Variants in RTL9 observed in about 807,000 individuals in gnomAD.
The protein encoded by RTL9 is retrotransposon Gag-like protein 9.
A neutral mutation model predicts 44.7 loss-of-function variants in RTL9; 19 were observed. The observed-to-expected ratio is 0.42, with a 90% CI of 0.30 to 0.62. RTL9 has a LOEUF of 0.62. Among genes scored for constraint, RTL9 ranks in the 20% least tolerant of loss-of-function variants. The probability of loss-of-function intolerance (pLI) is 0.16; values close to 1 mark genes in which losing one functional copy is unlikely to be tolerated. For synonymous variants in RTL9, 407 were observed against 398.9 expected, an observed-to-expected ratio of 1.02 and a Z score of -0.24; for missense variants, 1,105 against 1,080.6, an observed-to-expected ratio of 1.02 and a Z score of -0.32.
intron 1 of RTL9, among the ~76,000 whole-genome samples, chrX:110,436,243 A>G (rs1273814718): frequency 9.0e-6 from 1 of 111,479 alleles, no homozygotes. Flanking sequence ...GTGCTCCTGG[A>G]GAGTCAGGAT....
At chrX:110,448,607 T>C (rs908482668), upstream of RTL9, among the ~76,000 whole-genome samples, 1 of 91,799 alleles carries the variant, frequency 1.1e-5, no homozygotes. Flanking sequence ...TGTCAGAGCC[T>C]ATATAGAGGC....
At chrX:110,403,571 A>G (rs2096086553) in intron 1 of RTL9, among the ~76,000 whole-genome samples, 1 of 111,415 alleles carries the variant, frequency 9.0e-6, no homozygotes, top group African/African-American at 3.3e-5. Flanking sequence ...CTCTGCCCAC[A>G]TTCTGAAGCT....
chrX:110,450,890 A>G, exon 1 of RTL9: 1 of 1,211,443 alleles, frequency 8.3e-7, no homozygotes, highest in Non-Finnish European at 1.1e-6. Context: ...CCCCACCCCT[A>G]ATGCCAGCCT....
chrX:110,432,966 A>G (rs748635496), intron 1 of RTL9, among the ~76,000 whole-genome samples: 13 of 112,730 alleles, frequency 1.2e-4, no homozygotes, highest in Non-Finnish European at 2.4e-4. Flanking sequence ...AGGCTAACCC[A>G]GACAGTCAGT....
intron 1 of RTL9, among the ~76,000 whole-genome samples, chrX:110,419,815 C>T (rs976890748): frequency 8.9e-6 from 1 of 112,148 alleles, no homozygotes; most frequent in African/African-American, 3.2e-5. Flanking sequence ...CAGACACAGT[C>T]TTATGAAATT....
At chrX:110,453,642 A>G (rs2068961313) in exon 1 of RTL9, 5 of 1,211,795 alleles carry the variant, frequency 4.1e-6, no homozygotes, top group South Asian at 1.8e-5. Flanking sequence ...AACAACATAT[A>G]CCGTGTCTGG....
chrX:110,404,716 A>T (rs1198899298), intron 1 of RTL9, among the ~76,000 whole-genome samples: 1 of 111,379 alleles, frequency 9.0e-6, no homozygotes, highest in Non-Finnish European at 1.9e-5. Flanking sequence ...GCCATTTCTG[A>T]CCACTTCCCA....
At position 110,383,177 on chromosome X, in the gene RTL9, G is replaced by A. The variant is rs995221639; in HGVS notation, c.-168+24261G>A. The stretch of plus-strand genomic sequence containing the variant: ...TAAGATTGCACCCAACCTGATGGTA[G>A]ATTGGAGAAGGCTATCTGTCCCTTT... On this transcript the variant is annotated intron_variant, in intron 1 of 2. Transcript: ENST00000520821. Among the ~76,000 whole-genome samples, 36 of 111,697 alleles carry A rather than the reference G, an allele frequency of 3.2e-4. No homozygotes were observed. The Admixed American group carries it at 3.3e-3, about 10-fold the overall frequency.
chrX:110,402,016 C>T (rs778590535), intron 1 of RTL9, among the ~76,000 whole-genome samples: 1 of 112,456 alleles, frequency 8.9e-6, no homozygotes, highest in East Asian at 2.8e-4. Flanking sequence ...GTCTCCCTTT[C>T]CTTTCCCAAC....
At chrX:110,448,993 T>C (rs2068924066), upstream of RTL9, among the ~76,000 whole-genome samples, 1 of 110,747 alleles carries the variant, frequency 9.0e-6, no homozygotes, top group African/African-American at 3.3e-5. Flanking sequence ...ATTATTACAA[T>C]TATTACAATA....
rs1234174255 is a variant in RTL9 at position 110,385,392 on chromosome X, ACAGTT to A, written c.-168+26481_-168+26485del. On this transcript the variant is annotated intron_variant, in intron 1 of 2. Transcript: ENST00000520821. ...CAATAAATTCACCTATTTAAAGTGT[ACAGTT>A]CAGTCATTTTTAGTATTTCACAGAG... 4.5e-5 allele frequency among the ~76,000 whole-genome samples: 5 copies of A among 111,598 alleles called. No homozygotes were observed. In the Admixed American group the frequency reaches 4.7e-4, roughly 11 times the overall value.
intron 1 of RTL9, among the ~76,000 whole-genome samples, chrX:110,366,272 G>A (rs1238668517): frequency 1.8e-5 from 2 of 111,999 alleles, no homozygotes; most frequent in African/African-American, 6.5e-5. Context: ...AACAAGCAAT[G>A]TTACAAACCA....
intron 1 of RTL9, among the ~76,000 whole-genome samples, chrX:110,386,170 T>C (rs371661547): frequency 1.7e-4 from 19 of 110,873 alleles, no homozygotes; most frequent in African/African-American, 6.2e-4. Context: ...CTGGATCATA[T>C]GGTAACACTA....
At chrX:110,390,063 C>T (rs1376617025) in intron 1 of RTL9, among the ~76,000 whole-genome samples, 1 of 111,236 alleles carries the variant, frequency 9.0e-6, no homozygotes, top group Admixed American at 9.5e-5. Flanking sequence ...CAAACTTGAC[C>T]CAATGGAGAA....
intron 1 of RTL9, among the ~76,000 whole-genome samples, chrX:110,403,136 T>C (rs1432664948): frequency 9.0e-6 from 1 of 111,115 alleles, no homozygotes; most frequent in Admixed American, 9.5e-5. Flanking sequence ...GGCCAGGCTT[T>C]CCCTGCCCCT....
exon 1 of RTL9, chrX:110,451,368 G>T (rs767293182): frequency 8.3e-7 from 1 of 1,211,910 alleles, no homozygotes; most frequent in Admixed American, 2.2e-5. Flanking sequence ...GACTGCTCTA[G>T]CCTCTGGAGA....
At position 110,369,050 on chromosome X, in the gene RTL9, T is replaced by C. The variant is rs768655419; in HGVS notation, c.-168+10134T>C. ...TATTTAACTCCTAGAAAGATCTTTG[T>C]GGCTGTGTGCGGTGGCTCACGCCTG... is the stretch of plus-strand genomic sequence containing the variant. On this transcript the variant is annotated intron_variant, in intron 1 of 2. Transcript: ENST00000520821. 3.6e-5 allele frequency among the ~76,000 whole-genome samples: 4 copies of C among 112,314 alleles called. No homozygotes were observed. In the Admixed American group the frequency reaches 3.8e-4, roughly 11 times the overall value.
At chrX:110,396,682 A>T (rs142865046) in intron 1 of RTL9, among the ~76,000 whole-genome samples, 1,197 of 112,414 alleles carry the variant, frequency 0.011, 10 homozygotes, top group African/African-American at 0.021. Context: ...ATGGCGACAC[A>T]CAGCTATTAA....
chrX:110,424,688 AC>A (rs1459031125), intron 1 of RTL9, among the ~76,000 whole-genome samples: 4 of 111,959 alleles, frequency 3.6e-5, no homozygotes, highest in African/African-American at 1.3e-4. Context: ...CAGGCAAAAA[AC>A]CAAGCATGTA....
Sources: gnomAD v4.1 joint callset for allele counts (sites outside exome capture counted in the v4.1 genomes callset) on GRCh38, gnomAD v4.1.1 for gene constraint, MANE v1.5 for transcripts, NCBI Gene and HGNC (gene_info 2026-07-23, HGNC 2026-07-21) for gene names.